The following RALYL variants were observed in gnomAD, a reference collection of about 807,000 sequenced individuals.
RALYL encodes RALY RNA binding protein like, also known as RNA-binding Raly-like protein.
RALYL carries 29 observed loss-of-function variants against 35.1 expected under a neutral mutation model. The ratio of observed to expected loss-of-function variants is 0.83; its 90% confidence interval spans 0.61 to 1.13. The LOEUF (loss-of-function observed/expected upper bound fraction) is 1.13. RALYL is among the 50% of genes most tolerant of loss of function. The probability of loss-of-function intolerance (pLI) is 0.00; values close to 1 mark genes in which losing one functional copy is unlikely to be tolerated. For synonymous variants in RALYL, 120 were observed against 127.6 expected, an observed-to-expected ratio of 0.94 and a Z score of 0.40; for missense variants, 359 against 360.4, an observed-to-expected ratio of 1.00 and a Z score of 0.03.
chr8:84,614,198 AGCTGTTGCTGT>A (rs1818927343), intron 2 of RALYL, among the ~76,000 whole-genome samples: 1 of 151,650 alleles, frequency 6.6e-6, no homozygotes, highest in Non-Finnish European at 1.5e-5. Context: ...AGTAAGCCTT[AGCTGTTGCTGT>A]TGTTATTAAT....
intron 8 of RALYL, among the ~76,000 whole-genome samples, chr8:84,898,640 C>A (rs917287584): frequency 6.6e-6 from 1 of 152,110 alleles, no homozygotes; most frequent in Non-Finnish European, 1.5e-5. Context: ...TCAGACTGAC[C>A]AAAATTGGCT....
intron 5 of RALYL, among the ~76,000 whole-genome samples, chr8:84,851,138 A>T (rs183589348): frequency 1.1e-3 from 175 of 152,304 alleles, no homozygotes; most frequent in Non-Finnish European, 1.9e-3. Flanking sequence ...TCAATTTTGC[A>T]AAATGCCACG....
chr8:84,706,724 A>G (rs146223110), intron 2 of RALYL, among the ~76,000 whole-genome samples: 18 of 152,140 alleles, frequency 1.2e-4, no homozygotes, highest in Admixed American at 9.2e-4. Context: ...ATTATTATGG[A>G]ACTGAAAGCT....
At chr8:84,576,980 A>G (rs1809602239) in intron 2 of RALYL, among the ~76,000 whole-genome samples, 1 of 152,190 alleles carries the variant, frequency 6.6e-6, no homozygotes, top group African/African-American at 2.4e-5. Context: ...CTCTCATTGT[A>G]ATTCCACCAC....
intron 3 of RALYL, among the ~76,000 whole-genome samples, chr8:84,782,239 C>G (rs909856031): frequency 6.6e-6 from 1 of 152,156 alleles, no homozygotes; most frequent in Non-Finnish European, 1.5e-5. Flanking sequence ...TTCAAATTAC[C>G]ACACAGCTGC....
chr8:84,767,491 A>G (rs1276228498), intron 2 of RALYL, among the ~76,000 whole-genome samples: 1 of 152,150 alleles, frequency 6.6e-6, no homozygotes, highest in African/African-American at 2.4e-5. Context: ...TACTTTTTTT[A>G]TACTTTTTTC....
chr8:84,689,156 C>A (rs1161076314), intron 2 of RALYL, among the ~76,000 whole-genome samples: 3 of 151,764 alleles, frequency 2.0e-5, no homozygotes, highest in African/African-American at 4.8e-5. Flanking sequence ...TATACATGTG[C>A]CATGCTGGTG....
rs556948435 is a variant in RALYL at position 84,902,852 on chromosome 8, G to A, written c.858+15076G>A. On this transcript the variant is annotated intron_variant, in intron 8 of 8. Transcript: ENST00000521268. ...AAATCCCTGCTATGGGATTTTGTAT[G>A]TCAAACTTAATATTTTCCTCAAGTA... is the stretch of plus-strand genomic sequence containing the variant. Among the ~76,000 whole-genome samples, 11 of 152,228 alleles carry A rather than the reference G, an allele frequency of 7.2e-5. No homozygotes were observed. The East Asian group carries it at 1.5e-3, about 21-fold the overall frequency.
chr8:84,668,949 ACATCCATCCATCCATC>A (rs529680899), intron 2 of RALYL, among the ~76,000 whole-genome samples: 54 of 150,706 alleles, frequency 3.6e-4, no homozygotes, highest in African/African-American at 7.6e-4. Flanking sequence ...GTTCAACAAC[ACATCCATCCATCCATC>A]CATCCATCCA....
At chr8:84,814,824 C>CTTCT (rs1472650589) in intron 4 of RALYL, among the ~76,000 whole-genome samples, 12 of 152,138 alleles carry the variant, frequency 7.9e-5, no homozygotes, top group Admixed American at 7.2e-4. Flanking sequence ...AGACCTGTTA[C>CTTCT]TTCTTTGTTC....
chr8:84,623,500 A>T (rs1010821042), intron 2 of RALYL, among the ~76,000 whole-genome samples: 8 of 152,174 alleles, frequency 5.3e-5, no homozygotes, highest in Admixed American at 2.0e-4. Context: ...TACCAACAGT[A>T]AGTAGAATTA....
chr8:84,867,836 C>T (rs937618876), intron 6 of RALYL, among the ~76,000 whole-genome samples: 32 of 151,942 alleles, frequency 2.1e-4, no homozygotes, highest in Admixed American at 1.6e-3. Flanking sequence ...TTTCCATTGA[C>T]GAAATAGACA....
intron 1 of RALYL, among the ~76,000 whole-genome samples, chr8:84,475,120 C>G (rs186035487): frequency 6.6e-6 from 1 of 151,230 alleles, no homozygotes; most frequent in Non-Finnish European, 1.5e-5. Context: ...TCCAAGTGTT[C>G]GCATTGTTCA....
At chr8:84,685,994 G>A (rs1273177625) in intron 2 of RALYL, among the ~76,000 whole-genome samples, 1 of 152,164 alleles carries the variant, frequency 6.6e-6, no homozygotes, top group Admixed American at 6.5e-5. Flanking sequence ...GCTGGTGCAT[G>A]TTTGTGGTAT....
chr8:84,703,201 C>T (rs1300825494), intron 2 of RALYL, among the ~76,000 whole-genome samples: 3 of 152,034 alleles, frequency 2.0e-5, no homozygotes, highest in Non-Finnish European at 4.4e-5. Flanking sequence ...TTGTATTCAC[C>T]GGGTATATGT....
chr8:84,471,934 C>T (rs1302044151), intron 1 of RALYL, among the ~76,000 whole-genome samples: 1 of 152,078 alleles, frequency 6.6e-6, no homozygotes, highest in Non-Finnish European at 1.5e-5. Context: ...TATTGAATTA[C>T]AATACTTTGG....
intron 2 of RALYL, among the ~76,000 whole-genome samples, chr8:84,722,522 A>G (rs1844118420): frequency 6.7e-6 from 1 of 150,366 alleles, no homozygotes; most frequent in Admixed American, 6.7e-5. Context: ...ACCTAGTCCC[A>G]ACACAACAGT....
chr8:84,306,906 C>CT (rs1329684727), intron 1 of RALYL, among the ~76,000 whole-genome samples: 1 of 152,186 alleles, frequency 6.6e-6, no homozygotes, highest in Non-Finnish European at 1.5e-5. Flanking sequence ...CTGGAGGGAA[C>CT]TTTTCCCAGT....
intron 2 of RALYL, among the ~76,000 whole-genome samples, chr8:84,669,553 A>T (rs1438436473): frequency 7.5e-6 from 1 of 132,598 alleles, no homozygotes; most frequent in African/African-American, 2.9e-5. Flanking sequence ...ATGTGTGCTC[A>T]GTGTTTAATT....
Sources: allele counts gnomAD v4.1 joint callset (sites outside exome capture counted in the v4.1 genomes callset), GRCh38; gene constraint gnomAD v4.1.1; transcripts MANE v1.5; gene names NCBI Gene and HGNC (gene_info 2026-07-23, HGNC 2026-07-21).